Variants in DOCK5 observed in about 807,000 individuals in gnomAD.
DOCK5 encodes the protein dedicator of cytokinesis 5, also known as dedicator of cytokinesis protein 5.
In DOCK5, 142 loss-of-function variants were observed where a neutral mutation model predicts 251.8. The ratio of observed to expected loss-of-function variants is 0.56; its 90% CI spans 0.49 to 0.65. The LOEUF is 0.65. Among genes scored for constraint, DOCK5 ranks in the 30% least tolerant of loss-of-function variants. The probability of loss-of-function intolerance (pLI) is 0.00; values close to 1 mark genes in which losing one functional copy is unlikely to be tolerated. For missense variants in DOCK5, 2,111 were observed against 2,312.3 expected (o/e 0.91, Z 1.79); for synonymous variants, 842 against 835.5 (o/e 1.01, Z -0.13).
chr8:25,285,888 T>C (rs1224207704), intron 5 of DOCK5, among the ~76,000 whole-genome samples: 1 of 152,126 alleles, frequency 6.6e-6, no homozygotes, highest in African/African-American at 2.4e-5. Flanking sequence ...AGATGTGGCG[T>C]GGGACTGACT....
intron 1 of DOCK5, among the ~76,000 whole-genome samples, chr8:25,226,831 C>T (rs760904995): frequency 6.6e-6 from 1 of 152,036 alleles, no homozygotes; most frequent in African/African-American, 2.4e-5. Context: ...GTGATCCACC[C>T]GTCTTGGCCT....
At chr8:25,255,672 A>G (rs115419500) in intron 2 of DOCK5, among the ~76,000 whole-genome samples, 1,998 of 152,246 alleles carry the variant, frequency 0.013, 44 homozygotes, top group African/African-American at 0.044. Context: ...AATGTAACCT[A>G]TGGACTTTGG....
intron 34 of DOCK5, among the ~76,000 whole-genome samples, chr8:25,370,004 A>G (rs1800845643): frequency 1.3e-5 from 2 of 152,256 alleles, no homozygotes; most frequent in Admixed American, 6.5e-5. Flanking sequence ...AAATATTTCA[A>G]GGTCTGCTGT....
intron 5 of DOCK5, among the ~76,000 whole-genome samples, chr8:25,291,552 A>C (rs887705645): frequency 1.4e-4 from 21 of 151,864 alleles, no homozygotes; most frequent in African/African-American, 5.1e-4. Context: ...GTGTGGTGGC[A>C]TGCTCCTGTA....
Position 25,245,932 on chromosome 8 carries a change from C to T in DOCK5, c.127+2175C>T, listed in dbSNP as rs28602356. Among the ~76,000 whole-genome samples, 365 of 152,248 alleles carry T rather than the reference C, an allele frequency of 2.4e-3. 5 individuals carry two copies. Among genetic ancestry groups the T allele is most frequent in the Admixed American group, 0.02 (311 of 15,292 alleles). On this transcript the variant is annotated intron_variant, in intron 2 of 51. Coordinates refer to ENST00000276440, the MANE Select transcript of DOCK5 (RefSeq NM_024940.8). ...CTTTTTTTTCCTGCTTTCTCTGTTACTGATAGAACTGTGTTAACTCTTCCA... is the reference window on the plus strand; with the variant it reads ...CTTTTTTTTCCTGCTTTCTCTGTTATTGATAGAACTGTGTTAACTCTTCCA...
intron 26 of DOCK5, among the ~76,000 whole-genome samples, chr8:25,350,581 A>G (rs1341581787): frequency 6.6e-6 from 1 of 152,226 alleles, no homozygotes; most frequent in Non-Finnish European, 1.5e-5. Flanking sequence ...TCAGTCTTCT[A>G]TAACAAAATA....
intron 27 of DOCK5, among the ~76,000 whole-genome samples, chr8:25,356,520 A>C (rs1006978313): frequency 2.0e-4 from 30 of 151,832 alleles, no homozygotes; most frequent in African/African-American, 7.0e-4. Context: ...CACAAAAATT[A>C]GCCAGGCATG....
rs1800715080 is a variant in DOCK5 at position 25,363,055 on chromosome 8, C to T, written c.2958C>T (p.Leu986=). ...TCCTCTGTTCTCCGCAGGACTTCCT[C>T]ATGGAAACTTTTATCATGTTCAAGG... ...FKTRQDIIDF[L]METFIMFKDL... Residue 986 remains leucine, a synonymous_variant, in exon 29 of 52, where the codon CTC becomes CTT. Transcript: ENST00000276440. The T allele has an allele frequency of 6.2e-7, 1 of 1,613,858 alleles. No homozygotes were observed. The highest frequency in any genetic ancestry group is 1.7e-5 in the Admixed American group (1 of 60,024).
chr8:25,340,728 C>T (rs1275467611), intron 22 of DOCK5, 149 bp from the exon 23 acceptor site: 3 of 659,664 alleles, frequency 4.5e-6, no homozygotes, highest in Non-Finnish European at 7.7e-6. Flanking sequence ...TAACCCATTG[C>T]CTGAAACTTC....
rs1034234901 is a variant in DOCK5, at chr8:25,376,271, A to G, written c.3817-1034A>G. On this transcript the variant is annotated intron_variant, in intron 37 of 51. Coordinates refer to ENST00000276440, the MANE Select transcript of DOCK5 (RefSeq NM_024940.8). ...AAACTCTCCTATCCTGGTGTAAGAT[A>G]TGAGGTATGAATGCAGCTTTTTTTC... is the stretch of plus-strand genomic sequence containing the variant. 5.1e-6 allele frequency: 5 copies of G among 985,132 alleles called. No individual in the cohort carries two copies. In the African/African-American group the frequency reaches 5.3e-5, roughly 10 times the overall value. 61.0% of individuals were successfully genotyped at this position (985,132 alleles called of 1,614,324 possible).
chr8:25,410,045 GA>G (rs1471461281), intron 50 of DOCK5, 53 bp from the exon 51 acceptor site: 9 of 1,468,684 alleles, frequency 6.1e-6, no homozygotes, highest in Non-Finnish European at 7.5e-6. Flanking sequence ...ACATTTCCAT[GA>G]GCTTCCTTGC....
At chr8:25,405,494 A>G (rs928100415) in intron 48 of DOCK5, among the ~76,000 whole-genome samples, 8 of 151,644 alleles carry the variant, frequency 5.3e-5, no homozygotes, top group African/African-American at 1.7e-4. Context: ...GTCTGTGGAC[A>G]TTTTTTTTCT....
chr8:25,361,853 A>G (rs780552759), intron 28 of DOCK5, among the ~76,000 whole-genome samples: 14 of 152,164 alleles, frequency 9.2e-5, no homozygotes, highest in African/African-American at 2.9e-4. Flanking sequence ...ATGGTTAGCA[A>G]TAGGACCTGG....
Position 25,336,278 on chromosome 8 carries a change from A to G in DOCK5, c.2232A>G (p.Ala744=), listed in dbSNP as rs1805803751. ...TACTGAACTTCTATGTGGCTAATGC[A>G]GATGACTCCAGCAAGACTGAACTGC... ...SKVLNFYVAN[A]DDSSKTELLF... is the part of the protein sequence containing the mutation. Residue 744 remains alanine (A), a synonymous_variant, in exon 22 of 52, where the codon GCA becomes GCG. Transcript: ENST00000276440. The G allele has an allele frequency of 6.2e-7, 1 of 1,613,830 alleles. No individual in the cohort carries two copies. Among genetic ancestry groups the G allele is most frequent in the African/African-American group, 1.3e-5 (1 of 74,942 alleles).
chr8:25,190,332 A>G (rs913694147), intron 1 of DOCK5, among the ~76,000 whole-genome samples: 2 of 152,242 alleles, frequency 1.3e-5, no homozygotes, highest in Non-Finnish European at 2.9e-5. Flanking sequence ...GTGATACTGC[A>G]GTATATGTAC....
chr8:25,297,835 C>T (rs1804656175), intron 7 of DOCK5, among the ~76,000 whole-genome samples: 1 of 151,986 alleles, frequency 6.6e-6, no homozygotes, highest in Non-Finnish European at 1.5e-5. Flanking sequence ...TCATTTGAGG[C>T]CAGGAGTTCA....
At chr8:25,353,485 G>C (rs1800508430) in intron 27 of DOCK5, among the ~76,000 whole-genome samples, 1 of 152,108 alleles carries the variant, frequency 6.6e-6, no homozygotes, top group South Asian at 2.1e-4. Context: ...AGGGAACAAA[G>C]ACTAATATGG....
intron 13 of DOCK5, among the ~76,000 whole-genome samples, chr8:25,315,029 C>T (rs947039117): frequency 6.7e-6 from 1 of 148,598 alleles, no homozygotes; most frequent in African/African-American, 2.5e-5. Flanking sequence ...TTCTCTTCTC[C>T]TTACTGCATC....
rs1804690601 is a variant in DOCK5 at position 25,299,072 on chromosome 8, C to T, written c.735C>T (p.Leu245=). The T allele has an allele frequency of 6.2e-7, 1 of 1,613,748 alleles. No individual in the cohort carries two copies. Among genetic ancestry groups the T allele is most frequent in the Admixed American group, 1.7e-5 (1 of 59,984 alleles). The change falls in exon 8 of 52, where the codon CTC becomes CTT. Residue 245 remains leucine (L), a synonymous_variant. Transcript: ENST00000276440. Reference sequence around the variant, plus strand: ...AAGATGCAGAGTTGTTTATGGCCCTCTACGACCCAGACCAGTCCACTTTTA... The same window carrying T: ...AAGATGCAGAGTTGTTTATGGCCCTTTACGACCCAGACCAGTCCACTTTTA... ...IGEDAELFMA[L]YDPDQSTFIS...
Sources: gnomAD v4.1 joint callset for allele counts (sites outside exome capture counted in the v4.1 genomes callset) on GRCh38, gnomAD v4.1.1 for gene constraint, MANE v1.5 for transcripts, NCBI Gene and HGNC (gene_info 2026-07-23, HGNC 2026-07-21) for gene names.